DCDC1: variants seen among roughly 807,000 people sequenced by gnomAD.
DCDC1 encodes doublecortin domain-containing protein 1.
DCDC1 carries 200 observed loss-of-function variants against 178.3 expected under a neutral mutation model. That is an observed-to-expected ratio of 1.12 (90% CI 1.00 to 1.26). The LOEUF (loss-of-function observed/expected upper bound fraction) is 1.26. DCDC1 is among the 50% of genes most tolerant of loss of function. The pLI is 0.00. For missense variants in DCDC1, 1,983 were observed against 1,749.2 expected (o/e 1.13, Z -2.38); for synonymous variants, 690 against 604.8 (o/e 1.14, Z -2.07).
chr11:31,294,870 A>G (rs372255881), intron 6 of DCDC1, among the ~76,000 whole-genome samples: 25 of 149,622 alleles, frequency 1.7e-4, no homozygotes, highest in South Asian at 6.4e-4. Flanking sequence ...AAGAAAGAAA[A>G]AGAAAACAGA....
At chr11:31,115,763 CA>C (rs1392454588) in intron 11 of DCDC1, among the ~76,000 whole-genome samples, 2 of 151,962 alleles carry the variant, frequency 1.3e-5, no homozygotes, top group African/African-American at 4.8e-5. Context: ...ATGAGCAAAA[CA>C]ATGGGCAGAT....
At chr11:31,147,626 T>C (rs190545701) in intron 9 of DCDC1, among the ~76,000 whole-genome samples, 9 of 152,272 alleles carry the variant, frequency 5.9e-5, no homozygotes, top group African/African-American at 2.2e-4. Flanking sequence ...ATACCTTAGG[T>C]TCCAAGGAAT....
intron 9 of DCDC1, among the ~76,000 whole-genome samples, chr11:31,193,428 C>G (rs375811302): frequency 6.6e-6 from 1 of 151,850 alleles, no homozygotes; most frequent in Non-Finnish European, 1.5e-5. Flanking sequence ...TGGAGTATTT[C>G]ATATCTTGGG....
At chr11:31,042,485 A>G (rs1038487214) in intron 20 of DCDC1, among the ~76,000 whole-genome samples, 12 of 152,144 alleles carry the variant, frequency 7.9e-5, no homozygotes, top group Admixed American at 7.2e-4. Context: ...ATTTCTGTGA[A>G]TGGGTCCAAG....
intron 2 of DCDC1, among the ~76,000 whole-genome samples, chr11:31,329,337 G>A (rs554251350): frequency 1.0e-3 from 152 of 152,092 alleles, no homozygotes; most frequent in African/African-American, 3.4e-3. Flanking sequence ...AGTTTCCTAC[G>A]TACATAAGCC....
At chr11:30,884,643 C>A (rs1943003888) in intron 36 of DCDC1, among the ~76,000 whole-genome samples, 1 of 151,884 alleles carries the variant, frequency 6.6e-6, no homozygotes, top group Non-Finnish European at 1.5e-5. Context: ...GAAAATCTAT[C>A]CCCAAAACAA....
intron 9 of DCDC1, among the ~76,000 whole-genome samples, chr11:31,222,143 A>G (rs913736312): frequency 7.9e-5 from 12 of 152,000 alleles, no homozygotes; most frequent in Admixed American, 7.2e-4. Context: ...GCTCACTGCA[A>G]CCTCTGCCTC....
intron 1 of DCDC1, among the ~76,000 whole-genome samples, chr11:31,354,469 G>A (rs1042948975): frequency 6.6e-6 from 1 of 152,106 alleles, no homozygotes. Flanking sequence ...AGATGTCATT[G>A]GAAACTGGAA....
chr11:30,924,883 A>G (rs1946496297), intron 23 of DCDC1, among the ~76,000 whole-genome samples: 1 of 152,062 alleles, frequency 6.6e-6, no homozygotes, highest in Admixed American at 6.6e-5. Context: ...GACCAGCCTG[A>G]GCAACATGTT....
chr11:31,000,400 A>G (rs1951505397), intron 20 of DCDC1, among the ~76,000 whole-genome samples: 2 of 152,150 alleles, frequency 1.3e-5, no homozygotes, highest in Admixed American at 1.3e-4. Flanking sequence ...TTTGCCTTCT[A>G]CTTCTTGAAA....
At chr11:31,213,067 G>A (rs139266446) in intron 9 of DCDC1, among the ~76,000 whole-genome samples, 3 of 144,496 alleles carry the variant, frequency 2.1e-5, no homozygotes, top group South Asian at 2.2e-4. Context: ...ATGTGCATTG[G>A]TGAAACTGTG....
chr11:30,938,153 C>T (rs1292390711), intron 21 of DCDC1, among the ~76,000 whole-genome samples: 1 of 152,132 alleles, frequency 6.6e-6, no homozygotes, highest in Non-Finnish European at 1.5e-5. Context: ...CCCAGTCTCA[C>T]CTTCTGTGTC....
At position 31,173,759 on chromosome 11, in the gene DCDC1, A is replaced by C. The variant is rs75821623; in HGVS notation, c.1222-35975T>G. 7.4e-4 allele frequency among the ~76,000 whole-genome samples: 96 copies of C among 130,480 alleles called. 1 individual carries two copies. The highest frequency in any genetic ancestry group is 1.4e-3 in the South Asian group (5 of 3,658). The allele number at this position is 130,480 out of a possible 152,430, so 85.6% of individuals were successfully genotyped here. A position where few individuals can be genotyped will look rare whatever the true frequency, so the allele number is the denominator to read the frequency against. On this transcript the variant is annotated intron_variant, in intron 9 of 38. Coordinates refer to ENST00000684477, the MANE Select transcript of DCDC1 (RefSeq NM_001387274.1). Reference sequence around the variant, plus strand: ...ACTTACACACACACACACACACACAAACACACACACACCCCCACATCTTTT... The same window carrying C: ...ACTTACACACACACACACACACACACACACACACACACCCCCACATCTTTT...
chr11:31,249,247 A>G (rs774639139), intron 8 of DCDC1, among the ~76,000 whole-genome samples: 4 of 152,190 alleles, frequency 2.6e-5, no homozygotes, highest in Non-Finnish European at 4.4e-5. Flanking sequence ...ATTTCTGAAA[A>G]TATTAAAGAG....
At chr11:30,904,396 A>T (rs1484721180) in intron 31 of DCDC1, 1 of 157,118 alleles carries the variant, frequency 6.4e-6, no homozygotes, top group East Asian at 1.9e-4. Context: ...AGTCAAGATA[A>T]TCACCAAGTA....
Position 31,040,537 on chromosome 11 carries a change from A to T in DCDC1, c.2591+23932T>A, listed in dbSNP as rs553213608. On this transcript the variant is annotated intron_variant, in intron 20 of 38. Transcript: ENST00000684477. ...ACAATTCTTCCAGTTACTGGTTGAC[A>T]CTAAAGCTAGTAATTTCAAACATGA... is the stretch of plus-strand genomic sequence containing the variant. Among the ~76,000 whole-genome samples, 35 of 152,342 alleles carry T rather than the reference A, an allele frequency of 2.3e-4. 1 individual carries two copies. The South Asian group carries it at 7.0e-3, about 31-fold the overall frequency.
chr11:31,309,450 C>T (rs1014760152), intron 3 of DCDC1, among the ~76,000 whole-genome samples: 5 of 152,086 alleles, frequency 3.3e-5, no homozygotes, highest in Admixed American at 6.6e-5. Context: ...TGGTGAGTGA[C>T]GGCATGTGGC....
intron 10 of DCDC1, among the ~76,000 whole-genome samples, chr11:31,133,874 TTGTA>T (rs1204511451): frequency 3.3e-5 from 5 of 152,140 alleles, no homozygotes; most frequent in African/African-American, 4.8e-5. Flanking sequence ...CAGCTAATTT[TTGTA>T]TTTTTAGTAA....
At chr11:30,905,490 A>G (rs1426474143) in intron 30 of DCDC1, among the ~76,000 whole-genome samples, 3 of 152,146 alleles carry the variant, frequency 2.0e-5, no homozygotes, top group African/African-American at 4.8e-5. Flanking sequence ...GTAATAATAC[A>G]CTAACATTAT....
Sources: allele counts gnomAD v4.1 joint callset (sites outside exome capture counted in the v4.1 genomes callset), GRCh38; gene constraint gnomAD v4.1.1; transcripts MANE v1.5; gene names NCBI Gene and HGNC (gene_info 2026-07-23, HGNC 2026-07-21).